The following VTI1A variants were observed in gnomAD, a reference collection of about 807,000 sequenced individuals.
The protein encoded by VTI1A is vesicle transport through interaction with t-SNAREs homolog 1A.
VTI1A carries 22 observed loss-of-function variants against 34.9 expected under a neutral mutation model. The ratio of observed to expected loss-of-function variants is 0.63; its 90% CI spans 0.45 to 0.90. The LOEUF (loss-of-function observed/expected upper bound fraction) is 0.90, where lower values mean the gene tolerates loss of function less well. Among genes scored for constraint, VTI1A ranks in the 40% least tolerant of loss-of-function variants. The probability of loss-of-function intolerance (pLI) is 0.00; values close to 1 mark genes in which losing one functional copy is unlikely to be tolerated. For missense variants in VTI1A, 268 were observed against 275.6 expected (o/e 0.97, Z 0.20); for synonymous variants, 87 against 97.3 (o/e 0.89, Z 0.62).
intron 1 of VTI1A, among the ~76,000 whole-genome samples, chr10:112,450,951 G>T (rs2134010653): frequency 6.6e-6 from 1 of 152,312 alleles, no homozygotes; most frequent in African/African-American, 2.4e-5. Context: ...TTCCTCTGGT[G>T]CAAAGATTCT....
chr10:112,576,082 G>A lies in VTI1A; in HGVS notation c.427+37752G>A, dbSNP rs535081688. ...TTCGCCCAGGCCGGACTGCAGTGGCGCTATCTCGGCTCACTGCAAGCTCCG... is the reference window on the plus strand; with the variant it reads ...TTCGCCCAGGCCGGACTGCAGTGGCACTATCTCGGCTCACTGCAAGCTCCG... On this transcript the variant is annotated intron_variant, in intron 5 of 7. Coordinates refer to ENST00000393077, the MANE Select transcript of VTI1A (RefSeq NM_145206.4). Among the ~76,000 whole-genome samples, 3 of 143,960 alleles carry A rather than the reference G, an allele frequency of 2.1e-5. No individual in the cohort carries two copies. The Admixed American group carries it at 2.1e-4, about 10-fold the overall frequency. The allele number at this position is 143,960 out of a possible 152,430, so 94.4% of individuals were successfully genotyped here.
At chr10:112,553,375 A>G (rs949633431) in intron 5 of VTI1A, among the ~76,000 whole-genome samples, 1 of 152,232 alleles carries the variant, frequency 6.6e-6, no homozygotes, top group East Asian at 1.9e-4. Flanking sequence ...GATCTTCTAT[A>G]TGGAGGTTGT....
rs1851688250 is a variant in VTI1A at position 112,767,748 on chromosome 10, T to C, written c.561-47542T>C. Among the ~76,000 whole-genome samples the C allele has an allele frequency of 6.6e-6, 1 of 152,220 alleles. No individual in the cohort carries two copies. The highest frequency in any genetic ancestry group is 2.1e-4 in the South Asian group (1 of 4,832). ...TGGTTGCGATGAAAAAATAATAATT[T>C]TTAAAATTGTTTGAAGACCAATGGG... On this transcript the variant is annotated intron_variant, in intron 7 of 7. Transcript: ENST00000393077. This position sits in a 1 kb window ranked among gnomAD's most constrained non-coding sequence, Gnocchi z 4.0.
chr10:112,511,766 C>T (rs1225651271), intron 3 of VTI1A, among the ~76,000 whole-genome samples: 1 of 152,088 alleles, frequency 6.6e-6, no homozygotes, highest in African/African-American at 2.4e-5. Context: ...CCACCGTCTA[C>T]CTCCATGTGA....
intron 7 of VTI1A, among the ~76,000 whole-genome samples, chr10:112,764,655 T>C (rs994219088): frequency 6.6e-6 from 1 of 152,204 alleles, no homozygotes; most frequent in African/African-American, 2.4e-5. Flanking sequence ...TTTAATTAAG[T>C]TGAGCTTTTT....
Position 112,631,213 on chromosome 10 carries a change from ATAGAG to A in VTI1A, c.428-37002_428-36998del, listed in dbSNP as rs138291862. Reference sequence around the variant, plus strand: ...GAGCTCAAGCTGATAAGAGCGTAGTATAGAGTAAAGAATATTAATTTTTAAACCTT... The same window carrying A: ...GAGCTCAAGCTGATAAGAGCGTAGTATAAAGAATATTAATTTTTAAACCTT... On this transcript the variant is annotated intron_variant, in intron 5 of 7. Coordinates refer to ENST00000393077, the MANE Select transcript of VTI1A (RefSeq NM_145206.4). 6.5e-3 allele frequency among the ~76,000 whole-genome samples: 987 copies of A among 152,284 alleles called. 62 individuals are homozygous for A. In the East Asian group the frequency reaches 0.15, roughly 24 times the overall value.
intron 5 of VTI1A, among the ~76,000 whole-genome samples, chr10:112,584,034 T>G (rs1844055752): frequency 6.6e-6 from 1 of 152,180 alleles, no homozygotes; most frequent in Non-Finnish European, 1.5e-5. Context: ...TGTGTCAAAG[T>G]TCAGATCTAA....
In VTI1A at chr10:112,527,115, A is replaced by C; in HGVS notation, c.293A>C (p.Glu98Ala). Residue 98 changes from glutamate (E) to alanine (A), a missense_variant, in exon 4 of 8, where the codon GAA becomes GCA. Glu to Ala is a moderately radical substitution (Grantham distance 107, BLOSUM62 -1). Transcript: ENST00000393077. Reference sequence around the variant, plus strand: ...AGGTCACGGATCGCCTACAGTGACGAAGTACGGAATGAGCTCCTGGGGGAT... The same window carrying C: ...AGGTCACGGATCGCCTACAGTGACGCAGTACGGAATGAGCTCCTGGGGGAT... ...FKRSRIAYSDEVRNELLGDDG... is the reference protein window; with the variant it reads ...FKRSRIAYSDAVRNELLGDDG... The C allele has an allele frequency of 6.2e-7, 1 of 1,613,460 alleles. No homozygotes were observed. The highest frequency in any genetic ancestry group is 8.5e-7 in the Non-Finnish European group (1 of 1,179,672).
chr10:112,513,129 G>T (rs745494324), intron 3 of VTI1A, among the ~76,000 whole-genome samples: 1 of 152,170 alleles, frequency 6.6e-6, no homozygotes, highest in East Asian at 1.9e-4. Flanking sequence ...GCTTTGGGCA[G>T]TGTGGACATT....
chr10:112,668,350 T>C (rs180969655), intron 6 of VTI1A, 62 bp downstream of exon 6: 35 of 1,536,178 alleles, frequency 2.3e-5, no homozygotes, highest in Admixed American at 1.6e-4. Flanking sequence ...ATGAAAGGCA[T>C]TGGGACATAA....
intron 3 of VTI1A, among the ~76,000 whole-genome samples, chr10:112,503,372 C>T (rs1267350725): frequency 3.9e-5 from 6 of 152,116 alleles, no homozygotes; most frequent in Non-Finnish European, 5.9e-5. Context: ...TATTTGCCTT[C>T]GTGTGCTTGA....
intron 5 of VTI1A, among the ~76,000 whole-genome samples, chr10:112,629,807 T>C (rs1846062463): frequency 6.6e-6 from 1 of 152,194 alleles, no homozygotes; most frequent in Admixed American, 6.5e-5. Context: ...ATTTGAGGGT[T>C]TTGATGCACA....
At chr10:112,836,425 C>G in the VTI1A span, among the ~76,000 whole-genome samples, 3 of 152,186 alleles carry the variant, frequency 2.0e-5, no homozygotes, top group African/African-American at 7.2e-5. Flanking sequence ...ACTTGCAGAG[C>G]CAAGAATAGA....
chr10:112,791,362 T>A (rs1377596447), intron 7 of VTI1A, among the ~76,000 whole-genome samples: 1 of 152,136 alleles, frequency 6.6e-6, no homozygotes, highest in Non-Finnish European at 1.5e-5. Context: ...AAAGACACGC[T>A]CAGCAAAAGG....
At chr10:112,707,389 A>T (rs1206744375) in intron 7 of VTI1A, among the ~76,000 whole-genome samples, 1 of 152,006 alleles carries the variant, frequency 6.6e-6, no homozygotes, top group Non-Finnish European at 1.5e-5. Flanking sequence ...ACTGGAGTAC[A>T]ATGGTGCGAT....
intron 5 of VTI1A, among the ~76,000 whole-genome samples, chr10:112,661,366 T>G (rs954111046): frequency 6.6e-6 from 1 of 152,226 alleles, no homozygotes; most frequent in African/African-American, 2.4e-5. Flanking sequence ...TTCACCCACC[T>G]CAACCTCCCA....
intron 7 of VTI1A, among the ~76,000 whole-genome samples, chr10:112,788,488 TA>T (rs1852363807): frequency 6.6e-6 from 1 of 152,216 alleles, no homozygotes; most frequent in Non-Finnish European, 1.5e-5. Flanking sequence ...TGTTTGCATA[TA>T]TTTTTTCACC....
intron 3 of VTI1A, among the ~76,000 whole-genome samples, chr10:112,510,114 C>T (rs951355410): frequency 2.0e-5 from 3 of 152,180 alleles, no homozygotes; most frequent in Non-Finnish European, 2.9e-5. Context: ...GTTGCCAAAT[C>T]GAGTTAAAGT....
the VTI1A span, among the ~76,000 whole-genome samples, chr10:112,842,814 AG>A: frequency 1.3e-5 from 2 of 151,590 alleles, no homozygotes; most frequent in African/African-American, 2.4e-5. Flanking sequence ...CCTGCCCTTA[AG>A]GTGTTAATGG....
Sources: allele counts gnomAD v4.1 joint callset (sites outside exome capture counted in the v4.1 genomes callset), GRCh38; gene constraint gnomAD v4.1.1; non-coding constraint Gnocchi (gnomAD v3.1); transcripts MANE v1.5; gene names NCBI Gene and HGNC (gene_info 2026-07-23, HGNC 2026-07-21).